Variants in NELL1 observed in about 807,000 individuals in gnomAD.
The protein encoded by NELL1 is protein kinase C-binding protein NELL1.
NELL1 carries 76 observed loss-of-function variants against 107.4 expected under a neutral mutation model. The ratio of observed to expected loss-of-function variants is 0.71; its 90% CI spans 0.59 to 0.86. The LOEUF (loss-of-function observed/expected upper bound fraction) is 0.86. NELL1 is among the 40% of genes least tolerant of loss of function. The pLI, the probability that NELL1 is intolerant of heterozygous loss-of-function variation, is 0.00. For synonymous variants in NELL1, 353 were observed against 341.2 expected (o/e 1.03, Z -0.38); for missense variants, 1,024 against 1,005.5 (o/e 1.02, Z -0.25).
chr11:21,164,047 G>A (rs757256446), intron 13 of NELL1, among the ~76,000 whole-genome samples: 4 of 152,152 alleles, frequency 2.6e-5, no homozygotes, highest in Non-Finnish European at 4.4e-5. Context: ...AGAGAAGGCA[G>A]CAGTGTGCGA....
intron 13 of NELL1, among the ~76,000 whole-genome samples, chr11:21,144,973 C>G (rs1478245966): frequency 3.3e-5 from 5 of 152,142 alleles, no homozygotes; most frequent in Admixed American, 6.5e-5. Context: ...TCATTTTAAC[C>G]TCTTTGCACC....
At chr11:20,991,358 G>A (rs1196666354) in intron 12 of NELL1, among the ~76,000 whole-genome samples, 1 of 152,154 alleles carries the variant, frequency 6.6e-6, no homozygotes, top group African/African-American at 2.4e-5. Context: ...AAAAGGGAGA[G>A]ACAACATATG....
intron 15 of NELL1, among the ~76,000 whole-genome samples, chr11:21,479,473 A>T (rs1854434086): frequency 6.6e-6 from 1 of 152,174 alleles, no homozygotes. Context: ...ACTTATTTTG[A>T]GGAACTACAA....
intron 2 of NELL1, among the ~76,000 whole-genome samples, chr11:20,754,661 C>T (rs1360113713): frequency 6.6e-6 from 1 of 152,118 alleles, no homozygotes; most frequent in Non-Finnish European, 1.5e-5. Context: ...TAAGATATGA[C>T]ATTTTAATAT....
At position 20,761,511 on chromosome 11, in the gene NELL1, TGAG is replaced by T. The variant is rs576597881; in HGVS notation, c.185-22166_185-22164del. Among the ~76,000 whole-genome samples, 85 of 152,334 alleles carry T rather than the reference TGAG, an allele frequency of 5.6e-4. No homozygotes were observed. In the South Asian group the frequency reaches 0.011, roughly 20 times the overall value. On this transcript the variant is annotated intron_variant, in intron 2 of 19. Coordinates refer to ENST00000357134, the MANE Select transcript of NELL1 (RefSeq NM_006157.5). ...TTGAGAATACCAGGGTTCATTTTCT[TGAG>T]GAATGTCAGAAATATTTTGTAGTCT...
At chr11:21,475,915 G>T (rs1854321034) in intron 15 of NELL1, among the ~76,000 whole-genome samples, 1 of 152,114 alleles carries the variant, frequency 6.6e-6, no homozygotes, top group African/African-American at 2.4e-5. Context: ...TCAACTTTGA[G>T]ATTTTATGAT....
chr11:21,327,444 C>G (rs990357525), intron 14 of NELL1, among the ~76,000 whole-genome samples: 5 of 152,114 alleles, frequency 3.3e-5, no homozygotes, highest in Admixed American at 2.6e-4. Context: ...CCTTCCCCTT[C>G]CACCATGATT....
chr11:21,166,627 G>C (rs1199991620), intron 13 of NELL1, among the ~76,000 whole-genome samples: 1 of 151,566 alleles, frequency 6.6e-6, no homozygotes, highest in African/African-American at 2.4e-5. Context: ...TAATAAAAAA[G>C]AGACTTAGAA....
At chr11:20,751,102 T>C (rs749809995) in intron 2 of NELL1, among the ~76,000 whole-genome samples, 2 of 152,168 alleles carry the variant, frequency 1.3e-5, no homozygotes, top group Non-Finnish European at 2.9e-5. Flanking sequence ...CTTATCCTTA[T>C]GCTAATACCA....
intron 16 of NELL1, among the ~76,000 whole-genome samples, chr11:21,548,589 C>G (rs910133968): frequency 2.0e-5 from 3 of 151,872 alleles, no homozygotes; most frequent in African/African-American, 7.2e-5. Context: ...GGGAAACCAT[C>G]TCCATGATTC....
At chr11:21,187,772 C>G (rs1856965965) in intron 13 of NELL1, among the ~76,000 whole-genome samples, 1 of 151,704 alleles carries the variant, frequency 6.6e-6, no homozygotes, top group African/African-American at 2.4e-5. Context: ...ACCCAATTTT[C>G]AGATTAAAAA....
At chr11:21,079,920 T>C (rs896754901) in intron 12 of NELL1, among the ~76,000 whole-genome samples, 2 of 152,066 alleles carry the variant, frequency 1.3e-5, no homozygotes, top group African/African-American at 4.8e-5. Context: ...ATGTGGGTGG[T>C]ACTTTTTGAA....
intron 14 of NELL1, among the ~76,000 whole-genome samples, chr11:21,336,513 C>CA (rs1046290031): frequency 2.6e-5 from 4 of 150,986 alleles, no homozygotes; most frequent in Non-Finnish European, 4.4e-5. Flanking sequence ...TCTGCCCCCA[C>CA]AAAAAAAAGA....
intron 7 of NELL1, among the ~76,000 whole-genome samples, chr11:20,919,999 T>C (rs1273024724): frequency 6.6e-6 from 1 of 152,254 alleles, no homozygotes; most frequent in African/African-American, 2.4e-5. Flanking sequence ...ACCCTAGATA[T>C]GTTCATACTG....
chr11:20,921,414 G>A (rs1446529501), intron 7 of NELL1, among the ~76,000 whole-genome samples: 1 of 152,138 alleles, frequency 6.6e-6, no homozygotes, highest in Non-Finnish European at 1.5e-5. Flanking sequence ...TGAGGTCCAG[G>A]AAGGTCTGAT....
intron 15 of NELL1, among the ~76,000 whole-genome samples, chr11:21,417,587 A>G (rs1021228243): frequency 6.6e-6 from 1 of 152,046 alleles, no homozygotes; most frequent in Non-Finnish European, 1.5e-5. Flanking sequence ...ATGAATCAGA[A>G]TGATTTTACC....
intron 12 of NELL1, among the ~76,000 whole-genome samples, chr11:21,022,180 TA>T (rs1354096088): frequency 6.6e-6 from 1 of 152,136 alleles, no homozygotes; most frequent in Non-Finnish European, 1.5e-5. Context: ...GAAAGGATTC[TA>T]AAATGTTGAA....
chr11:20,735,093 A>T (rs970481709), intron 2 of NELL1, among the ~76,000 whole-genome samples: 2 of 152,156 alleles, frequency 1.3e-5, no homozygotes, highest in African/African-American at 4.8e-5. Context: ...AGCAAAGGTT[A>T]CTAAGAAGAA....
intron 14 of NELL1, among the ~76,000 whole-genome samples, chr11:21,352,901 C>G (rs771077705): frequency 4.6e-5 from 7 of 151,990 alleles, no homozygotes; most frequent in African/African-American, 1.7e-4. Flanking sequence ...TCTTTTTGTC[C>G]CTCTTACCTG....
Sources: allele counts gnomAD v4.1 joint callset (sites outside exome capture counted in the v4.1 genomes callset), GRCh38; gene constraint gnomAD v4.1.1; transcripts MANE v1.5; gene names NCBI Gene and HGNC (gene_info 2026-07-23, HGNC 2026-07-21).